The following CERT1 variants were observed in gnomAD, a reference collection of about 807,000 sequenced individuals.
CERT1 encodes ceramide transporter 1.
A neutral mutation model predicts 87.9 loss-of-function variants in CERT1; 31 were observed. That is an observed-to-expected ratio of 0.35 (90% CI 0.27 to 0.48). The LOEUF is 0.48. CERT1 is among the 20% of genes least tolerant of loss of function. The pLI is 0.99. For missense variants in CERT1, 487 were observed against 758.0 expected, an observed-to-expected ratio of 0.64 and a Z score of 4.20; for synonymous variants, 289 against 250.9, an observed-to-expected ratio of 1.15 and a Z score of -1.44.
chr5:75,381,244 T>C, intron 15 of CERT1, 43 bp from the exon 16 acceptor site: 9 of 1,610,078 alleles, frequency 5.6e-6, no homozygotes, highest in Non-Finnish European at 5.9e-6. Context: ...ACCCAGTATT[T>C]TGTAAACTCT....
intron 2 of CERT1, among the ~76,000 whole-genome samples, chr5:75,504,919 T>C (rs1018090617): frequency 1.3e-5 from 2 of 152,346 alleles, no homozygotes; most frequent in East Asian, 3.9e-4. Context: ...AGTTCTTACA[T>C]ATCTTAAACA....
At chr5:75,411,471 A>G (rs1043208660) in intron 7 of CERT1, among the ~76,000 whole-genome samples, 2 of 151,908 alleles carry the variant, frequency 1.3e-5, no homozygotes, top group Admixed American at 6.6e-5. Flanking sequence ...GTGCCATCAC[A>G]CCCAGCTAAT....
At chr5:75,509,189 G>T (rs375270386) in intron 1 of CERT1, among the ~76,000 whole-genome samples, 1 of 152,024 alleles carries the variant, frequency 6.6e-6, no homozygotes, top group East Asian at 1.9e-4. Flanking sequence ...AAAATGAATT[G>T]TACCGGGACT....
At chr5:75,482,423 C>A (rs954492610) in intron 2 of CERT1, among the ~76,000 whole-genome samples, 1 of 152,222 alleles carries the variant, frequency 6.6e-6, no homozygotes, top group African/African-American at 2.4e-5. Flanking sequence ...GATTCTGACT[C>A]CAGGCCCCGG....
intron 2 of CERT1, among the ~76,000 whole-genome samples, chr5:75,476,737 T>G (rs956883647): frequency 7.9e-5 from 12 of 152,208 alleles, no homozygotes; most frequent in African/African-American, 2.9e-4. Flanking sequence ...GTAAAATACT[T>G]CTGCTGCTAT....
intron 3 of CERT1, among the ~76,000 whole-genome samples, chr5:75,433,392 T>C (rs1054578021): frequency 3.9e-5 from 6 of 152,234 alleles, no homozygotes; most frequent in South Asian, 2.1e-4. Context: ...TAATTCTCAT[T>C]GTAGAGATCT....
intron 8 of CERT1, among the ~76,000 whole-genome samples, chr5:75,404,825 A>T (rs1762640495): frequency 6.6e-6 from 1 of 152,134 alleles, no homozygotes; most frequent in African/African-American, 2.4e-5. Context: ...CCAGGCCAAC[A>T]TGACGAAAAC....
At chr5:75,478,174 G>A (rs541065302) in intron 2 of CERT1, among the ~76,000 whole-genome samples, 48 of 152,030 alleles carry the variant, frequency 3.2e-4, no homozygotes, top group Admixed American at 5.9e-4. Context: ...TTAGCCAGGT[G>A]TGGTGGCGCA....
At position 75,490,834 on chromosome 5, in the gene CERT1, A is replaced by T. The variant is rs117515197; in HGVS notation, c.231+15148T>A. On this transcript the variant is annotated intron_variant, in intron 2 of 16. Coordinates refer to ENST00000643780, the MANE Select transcript of CERT1 (RefSeq NM_001379029.1). ...TTGACTCTATTTTCAGTATCTGGTA[A>T]CTTTTTTTCTTCATTTAAGATAATC... Among the ~76,000 whole-genome samples the T allele has an allele frequency of 2.1e-3, 316 of 151,952 alleles. 1 individual carries two copies. The East Asian group carries it at 0.027, about 13-fold the overall frequency.
intron 1 of CERT1, among the ~76,000 whole-genome samples, chr5:75,510,427 C>A (rs1382566816): frequency 1.3e-5 from 2 of 152,136 alleles, no homozygotes; most frequent in African/African-American, 2.4e-5. Context: ...TTACCCTCGA[C>A]CCCTTACCGC....
At chr5:75,477,547 A>ACTGC (rs1268102594) in intron 2 of CERT1, among the ~76,000 whole-genome samples, 1 of 151,422 alleles carries the variant, frequency 6.6e-6, no homozygotes, top group Non-Finnish European at 1.5e-5. Flanking sequence ...GGGTTTTGTA[A>ACTGC]CTGCCTTATT....
chr5:75,371,442 T>C (rs1442584704), intron 17 of CERT1: 2 of 152,232 alleles, frequency 1.3e-5, no homozygotes, highest in Admixed American at 1.3e-4. Context: ...TAATAGCAAT[T>C]GACACTGAAG....
intron 14 of CERT1, among the ~76,000 whole-genome samples, chr5:75,383,318 T>C (rs1422878827): frequency 6.6e-6 from 1 of 152,144 alleles, no homozygotes; most frequent in Non-Finnish European, 1.5e-5. Flanking sequence ...TAATAATTTT[T>C]AGTTTTATTT....
At position 75,386,027 on chromosome 5, in the gene CERT1, C is replaced by A. The variant is rs1761771069; in HGVS notation, c.1292G>T (p.Arg431Ile). The change falls in exon 13 of 17, where the codon AGA (arginine) becomes ATA (isoleucine). Residue 431 changes from arginine (R) to isoleucine (I), a missense_variant. Physicochemically the swap from Arg to Ile is moderately conservative, Grantham distance 97. Around this residue, in one of 8 missense-constraint regions of CERT1, gnomAD observed 147 missense variants for 200.8 expected, o/e 0.73. Transcript: ENST00000643780. Reference sequence around the variant, plus strand: ...AATCCCATTTTCTTCTACTTCTCTTCTGTATACCTAAAGAGAACATAATTC... The same window carrying A: ...AATCCCATTTTCTTCTACTTCTCTTATGTATACCTAAAGAGAACATAATTC... ...VVEEGEMKVY[R>I]REVEENGIVL... 6.5e-7 allele frequency: 1 copy of A among 1,546,788 alleles called. No homozygotes were observed. The highest frequency in any genetic ancestry group is 8.7e-7 in the Non-Finnish European group (1 of 1,149,276).
At position 75,412,635 on chromosome 5, in the gene CERT1, T is replaced by C. The variant is rs576756169; in HGVS notation, c.838-1532A>G. Among the ~76,000 whole-genome samples, 3 of 152,318 alleles carry C rather than the reference T, an allele frequency of 2.0e-5. No individual in the cohort carries two copies. The South Asian group carries it at 6.2e-4, about 32-fold the overall frequency. ...ATCTAGGCTATAAACATTTACAACA[T>C]ATGACTGCACTGAATACTGAAGGCA... On this transcript the variant is annotated intron_variant, in intron 7 of 16. Coordinates refer to ENST00000643780, the MANE Select transcript of CERT1 (RefSeq NM_001379029.1).
intron 3 of CERT1, among the ~76,000 whole-genome samples, chr5:75,435,443 T>G (rs1764052499): frequency 6.6e-6 from 1 of 152,274 alleles, no homozygotes; most frequent in Admixed American, 6.5e-5. Flanking sequence ...CATTTCAGTC[T>G]GCTTCAGAGC....
At chr5:75,510,315 T>G (rs1446101892) in intron 1 of CERT1, among the ~76,000 whole-genome samples, 1 of 152,170 alleles carries the variant, frequency 6.6e-6, no homozygotes, top group Non-Finnish European at 1.5e-5. Flanking sequence ...CACAACTATG[T>G]AATATCAAGA....
At chr5:75,394,100 G>A (rs1762149018) in intron 11 of CERT1, among the ~76,000 whole-genome samples, 1 of 152,170 alleles carries the variant, frequency 6.6e-6, no homozygotes, top group South Asian at 2.1e-4. Context: ...AGCACTTTTA[G>A]CCTACCGTAT....
chr5:75,485,223 T>G (rs1354074390), intron 2 of CERT1, among the ~76,000 whole-genome samples: 1 of 150,648 alleles, frequency 6.6e-6, no homozygotes, highest in Non-Finnish European at 1.5e-5. Flanking sequence ...ATCCTAACAT[T>G]TTGGGAGACC....
Sources: gnomAD v4.1 joint callset for allele counts (sites outside exome capture counted in the v4.1 genomes callset) on GRCh38, gnomAD v4.1.1 for gene constraint, gnomAD v4.1.1 regional missense constraint, MANE v1.5 for transcripts, NCBI Gene and HGNC (gene_info 2026-07-23, HGNC 2026-07-21) for gene names.